Variants in BEST3 observed in about 807,000 individuals in gnomAD.
BEST3 encodes bestrophin 3.
BEST3 carries 50 observed loss-of-function variants against 47.1 expected under a neutral mutation model. The ratio of observed to expected loss-of-function variants is 1.06; its 90% CI spans 0.85 to 1.34. The LOEUF (loss-of-function observed/expected upper bound fraction) is 1.34. BEST3 is among the 40% of genes most tolerant of loss of function. The pLI, the probability that BEST3 is intolerant of heterozygous loss-of-function variation, is 0.00. For synonymous variants in BEST3, 282 were observed against 298.8 expected, an observed-to-expected ratio of 0.94 and a Z score of 0.58; for missense variants, 765 against 817.0, an observed-to-expected ratio of 0.94 and a Z score of 0.78.
In BEST3 at chr12:69,693,377, C is replaced by T. The variant is rs557208852; in HGVS notation, c.481+297G>A. On this transcript the variant is annotated intron_variant, in intron 4 of 9. Coordinates refer to ENST00000330891, the MANE Select transcript of BEST3 (RefSeq NM_032735.3). ...CTCCCGGGTTCAAGTGATTCTCATG[C>T]CTCAGCCTCCCCAGTAGCTGGGATT... Among the ~76,000 whole-genome samples, 4 of 151,882 alleles carry T rather than the reference C, an allele frequency of 2.6e-5. No individual in the cohort carries two copies. In the South Asian group the frequency reaches 8.3e-4, roughly 31 times the overall value.
intron 1 of BEST3, among the ~76,000 whole-genome samples, 167 bp downstream of exon 1, chr12:69,699,038 A>T (rs775001428): frequency 2.0e-4 from 31 of 152,246 alleles, no homozygotes; most frequent in African/African-American, 7.5e-4. Flanking sequence ...AACCCATTTC[A>T]TAATTTGTTC....
chr12:69,678,022 T>C (rs1474928761), intron 5 of BEST3, among the ~76,000 whole-genome samples: 3 of 152,188 alleles, frequency 2.0e-5, no homozygotes, highest in Non-Finnish European at 4.4e-5. Flanking sequence ...CTCCCACAAA[T>C]GGAGACTATA....
At chr12:69,671,314 A>T (rs1452618718) in intron 9 of BEST3, 114 bp downstream of exon 9, 2 of 1,113,210 alleles carry the variant, frequency 1.8e-6, no homozygotes, top group African/African-American at 1.6e-5. Context: ...TACAGGTGAC[A>T]TCACAGTTGG....
intron 2 of BEST3, among the ~76,000 whole-genome samples, chr12:69,694,748 T>C (rs1886071064): frequency 6.6e-6 from 1 of 152,198 alleles, no homozygotes; most frequent in African/African-American, 2.4e-5. Context: ...GATTGATTCA[T>C]TGGATTTAGA....
In BEST3 at chr12:69,653,750, G is replaced by A. The variant is rs1248389372; in HGVS notation, c.*1157C>T. ...CAGCTGTCCTGAGAGCTCCCTGGGA[G>A]GAGTACCAACATCCGATCCCCATTA... On this transcript the variant is annotated 3_prime_UTR_variant, in exon 10 of 10. Coordinates refer to ENST00000330891, the MANE Select transcript of BEST3 (RefSeq NM_032735.3). The A allele has an allele frequency of 1.0e-6, 1 of 985,388 alleles. No individual in the cohort carries two copies. The highest frequency in any genetic ancestry group is 1.2e-6 in the Non-Finnish European group (1 of 829,960). 61.0% of individuals were successfully genotyped at this position (985,388 alleles called of 1,614,324 possible).
chr12:69,645,545 C>T (rs754704607), intron 9 of BEST3, among the ~76,000 whole-genome samples: 18 of 152,180 alleles, frequency 1.2e-4, no homozygotes, highest in Non-Finnish European at 2.5e-4. Context: ...TTGTGTGCTG[C>T]AAACATAACT....
chr12:69,690,343 G>A (rs1254728494), intron 4 of BEST3, among the ~76,000 whole-genome samples: 1 of 152,220 alleles, frequency 6.6e-6, no homozygotes, highest in African/African-American at 2.4e-5. Context: ...GTACATGGCA[G>A]ACATCTGTAC....
intron 9 of BEST3, among the ~76,000 whole-genome samples, chr12:69,665,608 C>T (rs1023930167): frequency 2.7e-5 from 4 of 150,640 alleles, no homozygotes; most frequent in African/African-American, 9.8e-5. Context: ...CAAAACAAAA[C>T]ACAAAAAAAC....
Position 69,654,237 on chromosome 12 carries a change from A to C in BEST3, c.*670T>G. On this transcript the variant is annotated 3_prime_UTR_variant, in exon 10 of 10. Transcript: ENST00000330891. Reference sequence around the variant, plus strand: ...GAAAAATGGGACAGATTACTAGAAAAGCAGCACAACCAGGGAGAAGGGAAG... The same window carrying C: ...GAAAAATGGGACAGATTACTAGAAACGCAGCACAACCAGGGAGAAGGGAAG... 1 of 985,246 alleles carries C rather than the reference A, an allele frequency of 1.0e-6. No individual in the cohort carries two copies. The highest frequency in any genetic ancestry group is 1.2e-6 in the Non-Finnish European group (1 of 829,742). The allele number at this position is 985,246 out of a possible 1,614,324, so 61.0% of individuals were successfully genotyped here.
rs149949010 is a variant in BEST3 at position 69,693,697 on chromosome 12, G to T, written c.458C>A (p.Thr153Lys). 511 of 1,612,280 alleles carry T rather than the reference G, an allele frequency of 3.2e-4. No individual in the cohort carries two copies. Among genetic ancestry groups the T allele is most frequent in the Non-Finnish European group, 4.2e-4 (492 of 1,178,564 alleles). ...VSTAVYKRFPTMDHVVEAGFM... is the reference protein window; with the variant it reads ...VSTAVYKRFPKMDHVVEAGFM... ...ACCTGCTTCAACCACGTGGTCCATT[G>T]TGGGAAATCTTTTGTACACAGCAGT... The change falls in exon 4 of 10, where the codon ACA (threonine) becomes AAA (lysine). Residue 153 changes from threonine to lysine, a missense_variant. Physicochemically the swap from Thr to Lys is moderately conservative, Grantham distance 78 (BLOSUM62 -1). Coordinates refer to ENST00000330891, the MANE Select transcript of BEST3 (RefSeq NM_032735.3).
intron 4 of BEST3, among the ~76,000 whole-genome samples, chr12:69,682,462 A>C (rs1885311606): frequency 1.3e-5 from 2 of 152,208 alleles, no homozygotes; most frequent in South Asian, 4.1e-4. Flanking sequence ...GTAAAATAAA[A>C]ATGAGCTTGG....
intron 5 of BEST3, 56 bp downstream of exon 5, chr12:69,678,683 A>G: frequency 1.3e-6 from 2 of 1,541,102 alleles, no homozygotes. Context: ...TGTTATATCC[A>G]GGTCCTTCTT....
intron 9 of BEST3, among the ~76,000 whole-genome samples, chr12:69,659,038 A>C (rs1414223149): frequency 2.0e-5 from 3 of 152,178 alleles, no homozygotes. Flanking sequence ...GATAAGAAAC[A>C]TGACTTGAAA....
In BEST3 at chr12:69,654,471, CCTTT is replaced by C. The variant is rs1883333814; in HGVS notation, c.*432_*435del. ...CTTTCAGGCATTAGGTGATCCATCT[CCTTT>C]CTTTATGGCTAAAGAAAAAAAGAAA... On this transcript the variant is annotated 3_prime_UTR_variant, in exon 10 of 10. Coordinates refer to ENST00000330891, the MANE Select transcript of BEST3 (RefSeq NM_032735.3). 1 of 987,882 alleles carries C rather than the reference CCTTT, an allele frequency of 1.0e-6. No individual in the cohort carries two copies. The highest frequency in any genetic ancestry group is 1.7e-5 in the African/African-American group (1 of 57,336). The allele number at this position is 987,882 out of a possible 1,614,324, so 61.2% of individuals were successfully genotyped here. A position where few individuals can be genotyped will look rare whatever the true frequency, so the allele number is the denominator to read the frequency against.
intron 9 of BEST3, among the ~76,000 whole-genome samples, chr12:69,656,990 C>T (rs556275810): frequency 1.3e-5 from 2 of 152,158 alleles, no homozygotes; most frequent in Non-Finnish European, 2.9e-5. Context: ...GAACTTGCAT[C>T]GCGATTGGGC....
At chr12:69,652,504 C>T (rs923658127), downstream of BEST3, among the ~76,000 whole-genome samples, 4 of 152,136 alleles carry the variant, frequency 2.6e-5, 1 homozygote, top group South Asian at 4.1e-4. Context: ...TTCAACCACA[C>T]GGGCTCATTG....
In BEST3 at chr12:69,686,771, C is replaced by CAAAAAAACAAACAAAA. The variant is rs1555208488; in HGVS notation, c.481+6902_481+6903insTTTTGTTTGTTTTTTT. ...TGGGCAACAGAGCAAGATTCTGCCT[C>CAAAAAAACAAACAAAA]AAAAAAACAAAAAAAAAAGAAAGAA... On this transcript the variant is annotated intron_variant, in intron 4 of 9. Transcript: ENST00000330891. 2.6e-3 allele frequency among the ~76,000 whole-genome samples: 132 copies of CAAAAAAACAAACAAAA among 49,914 alleles called. 1 individual carries two copies. Among genetic ancestry groups the CAAAAAAACAAACAAAA allele is most frequent in the South Asian group, 0.018 (30 of 1,714 alleles). 32.7% of individuals were successfully genotyped at this position (49,914 alleles called of 152,430 possible). A position where few individuals can be genotyped will look rare whatever the true frequency, so the allele number is the denominator to read the frequency against.
chr12:69,680,268 T>C (rs112214544), intron 4 of BEST3, among the ~76,000 whole-genome samples: 22,364 of 150,360 alleles, frequency 0.15, 1,900 homozygotes, highest in Non-Finnish European at 0.2. Flanking sequence ...CAGGGTTTGT[T>C]TGCAACAAGA....
At chr12:69,661,945 G>A (rs961916382) in intron 9 of BEST3, among the ~76,000 whole-genome samples, 4 of 152,168 alleles carry the variant, frequency 2.6e-5, no homozygotes, top group Admixed American at 6.5e-5. Context: ...ATGTTCTCTT[G>A]GCTCTTGCTG....
Sources: allele counts gnomAD v4.1 joint callset (sites outside exome capture counted in the v4.1 genomes callset), GRCh38; gene constraint gnomAD v4.1.1; transcripts MANE v1.5; gene names NCBI Gene and HGNC (gene_info 2026-07-23, HGNC 2026-07-21).